Variants in RYR2 observed in about 807,000 individuals in gnomAD.
RYR2 encodes cardiac muscle ryanodine receptor-calcium release channel.
Under a neutral mutation model 601.1 loss-of-function variants are expected in RYR2, and 227 were observed. The observed-to-expected ratio is 0.38, with a 90% CI of 0.34 to 0.42. The LOEUF (loss-of-function observed/expected upper bound fraction) is 0.42, where lower values mean the gene tolerates loss of function less well. Ranked by LOEUF, RYR2 falls within the 10% of genes least tolerant of loss-of-function variation. The pLI is 1.00. For missense variants in RYR2, 4,646 were observed against 6,156.5 expected (o/e 0.75, Z 8.21); for synonymous variants, 2,223 against 2,175.1 (o/e 1.02, Z -0.61).
intron 9 of RYR2, 103 bp from the exon 10 acceptor site, chr1:237,387,984 C>A: frequency 9.3e-7 from 1 of 1,074,790 alleles, no homozygotes; most frequent in East Asian, 2.6e-5. Flanking sequence ...ACTCACTAGA[C>A]TTCAGTTTCT....
chr1:237,509,138 G>A (rs1221956286), intron 23 of RYR2, among the ~76,000 whole-genome samples: 1 of 152,148 alleles, frequency 6.6e-6, no homozygotes, highest in South Asian at 2.1e-4. Flanking sequence ...GCCAGTTGAG[G>A]CAACACTGGG....
chr1:237,598,929 A>G (rs1396772217), intron 34 of RYR2, among the ~76,000 whole-genome samples: 1 of 152,198 alleles, frequency 6.6e-6, no homozygotes, highest in African/African-American at 2.4e-5. Flanking sequence ...AAATAAATAA[A>G]ATCCACATTG....
chr1:237,515,235 A>G (rs1273564725), intron 24 of RYR2, among the ~76,000 whole-genome samples: 1 of 152,162 alleles, frequency 6.6e-6, no homozygotes, highest in Non-Finnish European at 1.5e-5. Flanking sequence ...TTTCTGGTTT[A>G]GTTTTTACTA....
chr1:237,107,448 A>G (rs545348140), intron 1 of RYR2, among the ~76,000 whole-genome samples: 1 of 138,988 alleles, frequency 7.2e-6, no homozygotes, highest in Non-Finnish European at 1.5e-5. Flanking sequence ...GTGAACCCAG[A>G]GGTGGAGTTT....
At chr1:237,429,804 T>C (rs1003834028) in intron 12 of RYR2, among the ~76,000 whole-genome samples, 2 of 152,056 alleles carry the variant, frequency 1.3e-5, no homozygotes, top group African/African-American at 4.8e-5. Flanking sequence ...GGTGGGAGGG[T>C]ACTGTCTTAG....
intron 16 of RYR2, among the ~76,000 whole-genome samples, chr1:237,458,285 C>T (rs371169340): frequency 1.7e-4 from 26 of 151,998 alleles, no homozygotes; most frequent in Non-Finnish European, 2.6e-4. Flanking sequence ...AAAAATTAGC[C>T]GAGCGTGGTG....
intron 1 of RYR2, among the ~76,000 whole-genome samples, chr1:237,264,075 A>C (rs1688791833): frequency 1.4e-5 from 2 of 139,402 alleles, no homozygotes; most frequent in Non-Finnish European, 3.1e-5. Context: ...CTAAATGTAC[A>C]AACACACATG....
chr1:237,351,854 CA>C (rs33955032), intron 3 of RYR2, among the ~76,000 whole-genome samples: 8,577 of 41,168 alleles, frequency 0.21, 80 homozygotes, highest in East Asian at 0.34. Context: ...AAAGACCATG[CA>C]AAAAAAAAAA....
rs3086046 is a variant in RYR2 at position 237,299,127 on chromosome 1, C to CT, written c.168+28522dup. Among the ~76,000 whole-genome samples the CT allele has an allele frequency of 1.5e-3, 218 of 145,372 alleles. 2 individuals are homozygous for CT. The highest frequency in any genetic ancestry group is 7.3e-3 in the Middle Eastern group (2 of 274). On this transcript the variant is annotated intron_variant, in intron 2 of 104. Transcript: ENST00000366574. ...TTATGAACAGTGCAATTCCTAGAGT[C>CT]TTTTTTTTTTTCATTTCATTTCATA...
chr1:237,294,427 G>C (rs1214167961), intron 2 of RYR2, among the ~76,000 whole-genome samples: 1 of 151,350 alleles, frequency 6.6e-6, no homozygotes, highest in Non-Finnish European at 1.5e-5. Flanking sequence ...GATAGGCTAA[G>C]TTATGCTTTG....
At chr1:237,200,957 C>A (rs1681124028) in intron 1 of RYR2, among the ~76,000 whole-genome samples, 1 of 152,200 alleles carries the variant, frequency 6.6e-6, no homozygotes, top group African/African-American at 2.4e-5. Context: ...ATTCAGGAAA[C>A]TGACTCCATC....
chr1:237,246,279 A>T (rs965795573), intron 1 of RYR2, among the ~76,000 whole-genome samples: 1 of 151,068 alleles, frequency 6.6e-6, no homozygotes, highest in Admixed American at 6.6e-5. Flanking sequence ...TATTTTTAGT[A>T]GAGACAGAAT....
intron 63 of RYR2, among the ~76,000 whole-genome samples, chr1:237,688,702 C>T (rs570943574): frequency 1.3e-5 from 2 of 152,214 alleles, no homozygotes; most frequent in Admixed American, 1.3e-4. Context: ...GAAATATTTT[C>T]ATGGGCTTAT....
chr1:237,765,579 T>C (rs952332890), intron 84 of RYR2, among the ~76,000 whole-genome samples: 1 of 152,238 alleles, frequency 6.6e-6, no homozygotes, highest in African/African-American at 2.4e-5. Context: ...ATTGAATTGA[T>C]CTTTAAGTAT....
intron 80 of RYR2, among the ~76,000 whole-genome samples, chr1:237,749,671 G>C (rs1438433920): frequency 6.6e-6 from 1 of 151,976 alleles, no homozygotes; most frequent in Non-Finnish European, 1.5e-5. Flanking sequence ...ACAGTTGTGT[G>C]GTTTGCTATC....
chr1:237,102,650 G>C (rs900226946), intron 1 of RYR2, among the ~76,000 whole-genome samples: 27 of 152,066 alleles, frequency 1.8e-4, no homozygotes, highest in African/African-American at 6.0e-4. Context: ...GAGGTCAGGA[G>C]TTCGAGACCA....
intron 98 of RYR2, among the ~76,000 whole-genome samples, chr1:237,804,147 C>T (rs1026676918): frequency 2.4e-4 from 37 of 151,994 alleles, no homozygotes; most frequent in Admixed American, 1.8e-3. Flanking sequence ...TTATCCTTCT[C>T]ATGGTACTGC....
At chr1:237,477,253 T>C (rs1661515804) in intron 17 of RYR2, among the ~76,000 whole-genome samples, 1 of 151,956 alleles carries the variant, frequency 6.6e-6, no homozygotes, top group Non-Finnish European at 1.5e-5. Context: ...AAGCTGGGCG[T>C]AGTGGTGCGC....
At chr1:237,231,931 A>G (rs553773084) in intron 1 of RYR2, among the ~76,000 whole-genome samples, 4 of 152,304 alleles carry the variant, frequency 2.6e-5, no homozygotes, top group East Asian at 3.9e-4. Context: ...TCTGTGGACA[A>G]TTGCTGTAAT....
Sources: allele counts gnomAD v4.1 joint callset (sites outside exome capture counted in the v4.1 genomes callset), GRCh38; gene constraint gnomAD v4.1.1; transcripts MANE v1.5; gene names NCBI Gene and HGNC (gene_info 2026-07-23, HGNC 2026-07-21).